The following ERLIN1 variants were observed in gnomAD, a reference collection of about 807,000 sequenced individuals.
The protein encoded by ERLIN1 is erlin-1.
In ERLIN1, 24 loss-of-function variants were observed where a neutral mutation model predicts 46.9. That is an observed-to-expected ratio of 0.51 (90% confidence interval 0.37 to 0.72). ERLIN1 has a LOEUF of 0.72. ERLIN1 is among the 30% of genes least tolerant of loss of function. The pLI is 0.00. For synonymous variants in ERLIN1, 158 were observed against 143.2 expected, an observed-to-expected ratio of 1.10 and a Z score of -0.74; for missense variants, 293 against 417.9, an observed-to-expected ratio of 0.70 and a Z score of 2.61.
At chr10:100,155,779 G>A (rs1034319160) in intron 9 of ERLIN1, among the ~76,000 whole-genome samples, 1 of 152,248 alleles carries the variant, frequency 6.6e-6, no homozygotes, top group Admixed American at 6.5e-5. Flanking sequence ...CTCCCAAAGT[G>A]CTGGGATTAC....
chr10:100,155,490 T>C (rs1843026638), intron 9 of ERLIN1, among the ~76,000 whole-genome samples: 1 of 151,532 alleles, frequency 6.6e-6, no homozygotes, highest in South Asian at 2.1e-4. Flanking sequence ...AAGAAACTGG[T>C]CGTGATGGGG....
At chr10:100,153,033 G>A (rs1003462289) in intron 10 of ERLIN1, among the ~76,000 whole-genome samples, 1 of 152,234 alleles carries the variant, frequency 6.6e-6, no homozygotes, top group Non-Finnish European at 1.5e-5. Flanking sequence ...TCTCTTGAGA[G>A]AGATACACAG....
chr10:100,155,337 G>C (rs74805638), intron 9 of ERLIN1, among the ~76,000 whole-genome samples: 1,664 of 151,992 alleles, frequency 0.011, 39 homozygotes, highest in East Asian at 0.038. Flanking sequence ...GAGACAGACA[G>C]GAAGCAGCAA....
chr10:100,173,350 A>G (rs1309380702), intron 6 of ERLIN1, among the ~76,000 whole-genome samples: 1 of 152,220 alleles, frequency 6.6e-6, no homozygotes, highest in Non-Finnish European at 1.5e-5. Flanking sequence ...TGTTACTGAC[A>G]GTGGACACAG....
rs1843063219 is a variant in ERLIN1, at chr10:100,156,006, C to T, written c.745+139G>A. ...AGCAATTTAAAAAAATTTATTTAGA[C>T]TATCAGGCCAGCTATTTCCTCCAGA... On this transcript the variant is annotated intron_variant, in intron 9 of 10. Coordinates refer to ENST00000421367, the MANE Select transcript of ERLIN1 (RefSeq NM_006459.4). 1.3e-5 allele frequency: 7 copies of T among 544,198 alleles called. No individual in the cohort carries two copies. In the South Asian group the frequency reaches 2.1e-4, roughly 16 times the overall value. The allele number at this position is 544,198 out of a possible 1,614,324, so 33.7% of individuals were successfully genotyped here.
chr10:100,168,264 A>T (rs1843758363), intron 6 of ERLIN1, among the ~76,000 whole-genome samples: 1 of 152,260 alleles, frequency 6.6e-6, no homozygotes, highest in Admixed American at 6.5e-5. Context: ...CCTTTTAAGA[A>T]TAACAAAGCC....
chr10:100,167,549 C>A, intron 6 of ERLIN1, 143 bp from the exon 7 acceptor site: 1 of 634,446 alleles, frequency 1.6e-6, no homozygotes, highest in Non-Finnish European at 2.7e-6. Context: ...TTTGGGGATC[C>A]CACCAGAACA....
At chr10:100,166,506 AAAG>A (rs1278030301) in intron 7 of ERLIN1, among the ~76,000 whole-genome samples, 11 of 152,160 alleles carry the variant, frequency 7.2e-5, no homozygotes, top group Non-Finnish European at 1.3e-4. Context: ...GGAAAATATA[AAAG>A]AAGAAAAAAA....
At position 100,152,214 on chromosome 10, in the gene ERLIN1, C is replaced by T. The variant is rs560433756; in HGVS notation, c.964G>A (p.Gly322Arg). The change falls in exon 11 of 11, where the codon GGA becomes AGA. Residue 322 changes from glycine (G) to arginine (R), a missense_variant. Coordinates refer to ENST00000421367, the MANE Select transcript of ERLIN1 (RefSeq NM_006459.4). ...CALKYSDIRT[G>R]RESSLPSKEA... The stretch of plus-strand genomic sequence containing the variant: ...TTAGAGGGGAGTGAGCTTTCTCTTC[C>T]AGTCCTAATATCTGAATATTTCAAA... 1.9e-6 allele frequency: 3 copies of T among 1,613,292 alleles called. No homozygotes were observed. The highest frequency in any genetic ancestry group is 1.7e-5 in the Admixed American group (1 of 60,020).
chr10:100,180,289 G>A (rs1844561258), intron 2 of ERLIN1, among the ~76,000 whole-genome samples: 1 of 152,098 alleles, frequency 6.6e-6, no homozygotes, highest in Non-Finnish European at 1.5e-5. Context: ...CAAGCACAAA[G>A]CAAAGGAAAA....
chr10:100,169,305 A>C (rs2134143700), intron 6 of ERLIN1, among the ~76,000 whole-genome samples: 1 of 152,118 alleles, frequency 6.6e-6, no homozygotes, highest in East Asian at 1.9e-4. Context: ...TGGAGGAAAA[A>C]AATGGCTAAT....
intron 6 of ERLIN1, among the ~76,000 whole-genome samples, chr10:100,169,428 A>G (rs1261799793): frequency 6.6e-6 from 1 of 152,152 alleles, no homozygotes; most frequent in Non-Finnish European, 1.5e-5. Flanking sequence ...AAAAAAATCA[A>G]AGATGACCAT....
chr10:100,167,308 C>A (rs749330183), intron 7 of ERLIN1, 40 bp downstream of exon 7: 1 of 1,390,948 alleles, frequency 7.2e-7, no homozygotes, highest in Non-Finnish European at 1.0e-6. Flanking sequence ...ATGCAGACAG[C>A]CCTAAACAGA....
intron 7 of ERLIN1, among the ~76,000 whole-genome samples, chr10:100,165,576 C>T (rs924473359): frequency 3.3e-5 from 5 of 151,668 alleles, no homozygotes; most frequent in Non-Finnish European, 5.9e-5. Context: ...TTAGTAGAGA[C>T]GGGGTTTCAT....
At chr10:100,152,558 T>C (rs1047574712) in intron 10 of ERLIN1, among the ~76,000 whole-genome samples, 3 of 152,204 alleles carry the variant, frequency 2.0e-5, no homozygotes, top group African/African-American at 7.2e-5. Flanking sequence ...AGCTCCTGAC[T>C]TAATGCAAGA....
At chr10:100,163,702 T>C (rs1279912463) in intron 8 of ERLIN1, among the ~76,000 whole-genome samples, 3 of 152,204 alleles carry the variant, frequency 2.0e-5, no homozygotes, top group Non-Finnish European at 4.4e-5. Context: ...ATTCTTAATC[T>C]GTACAAATGA....
At chr10:100,155,005 C>A (rs1842998015) in intron 9 of ERLIN1, 66 bp from the exon 10 acceptor site, 1 of 1,307,376 alleles carries the variant, frequency 7.6e-7, no homozygotes, top group African/African-American at 1.4e-5. Context: ...CCTTTCCCCA[C>A]TGCTTAATAT....
intron 3 of ERLIN1, among the ~76,000 whole-genome samples, chr10:100,178,796 G>A (rs1844463522): frequency 6.6e-6 from 1 of 152,174 alleles, no homozygotes; most frequent in Non-Finnish European, 1.5e-5. Context: ...CTTTATAAAG[G>A]AGGAAACTAA....
At chr10:100,162,492 G>C (rs1046220988) in intron 8 of ERLIN1, among the ~76,000 whole-genome samples, 4 of 152,096 alleles carry the variant, frequency 2.6e-5, no homozygotes, top group African/African-American at 9.7e-5. Context: ...ACTTGAGAGA[G>C]CAATTTGTCA....
Sources: allele counts gnomAD v4.1 joint callset (sites outside exome capture counted in the v4.1 genomes callset), GRCh38; gene constraint gnomAD v4.1.1; transcripts MANE v1.5; gene names NCBI Gene and HGNC (gene_info 2026-07-23, HGNC 2026-07-21).